VEZT: variants seen among roughly 807,000 people sequenced by gnomAD.
VEZT encodes the protein vezatin, adherens junctions transmembrane protein, also known as vezatin.
A neutral mutation model predicts 79.9 loss-of-function variants in VEZT; 39 were observed. The observed-to-expected ratio is 0.49, with a 90% confidence interval of 0.38 to 0.64. VEZT has a LOEUF of 0.64. Ranked by LOEUF, VEZT falls within the 30% of genes least tolerant of loss-of-function variation. The pLI is 0.00. For missense variants in VEZT, 837 were observed against 893.1 expected (o/e 0.94, Z 0.80); for synonymous variants, 325 against 327.6 (o/e 0.99, Z 0.09).
intron 1 of VEZT, among the ~76,000 whole-genome samples, chr12:95,234,707 T>TCATTTTTAA (rs2059772242): frequency 6.6e-6 from 1 of 152,124 alleles, no homozygotes; most frequent in Admixed American, 6.5e-5. Flanking sequence ...CATTCTTGGG[T>TCATTTTTAA]GTGATTTGGC....
intron 2 of VEZT, among the ~76,000 whole-genome samples, chr12:95,253,398 G>C (rs1211082744): frequency 6.6e-6 from 1 of 152,220 alleles, no homozygotes; most frequent in Non-Finnish European, 1.5e-5. Flanking sequence ...CTAACACCCA[G>C]AAGGTGAGAG....
chr12:95,287,629 A>G (rs1566286227), intron 8 of VEZT, 35 bp from the exon 9 acceptor site: 2 of 1,449,094 alleles, frequency 1.4e-6, no homozygotes, highest in Admixed American at 2.6e-5. Flanking sequence ...ATTTCATATT[A>G]TAGAAATCTG....
At position 95,287,876 on chromosome 12, in the gene VEZT, T is replaced by G; in HGVS notation, c.1522+19T>G. The G allele has an allele frequency of 1.3e-6, 2 of 1,567,174 alleles. No individual in the cohort carries two copies. The highest frequency in any genetic ancestry group is 1.7e-6 in the Non-Finnish European group (2 of 1,155,496). ...AAAAAAGGTACCTGTGAGAGATTTC[T>G]TTGCCATATGCTTATCAGACATGCT... On this transcript the variant is annotated intron_variant, in intron 9 of 11. Transcript: ENST00000436874.
intron 1 of VEZT, among the ~76,000 whole-genome samples, chr12:95,239,497 G>C (rs1197529299): frequency 6.6e-6 from 1 of 152,172 alleles, no homozygotes; most frequent in African/African-American, 2.4e-5. Flanking sequence ...TAGTGTGAGG[G>C]ATCAGAATCA....
At chr12:95,275,458 G>A (rs916724886) in intron 7 of VEZT, among the ~76,000 whole-genome samples, 1 of 151,994 alleles carries the variant, frequency 6.6e-6, no homozygotes, top group Admixed American at 6.5e-5. Context: ...AAATTAGCTG[G>A]GTGCAGTGTC....
intron 2 of VEZT, among the ~76,000 whole-genome samples, chr12:95,255,867 G>A (rs2063389482): frequency 6.6e-6 from 1 of 152,076 alleles, no homozygotes; most frequent in Admixed American, 6.6e-5. Flanking sequence ...CACCCTACAG[G>A]ATAATGTTCA....
intron 5 of VEZT, chr12:95,269,845 T>C (rs747248762): frequency 1.9e-5 from 8 of 426,786 alleles, no homozygotes; most frequent in Non-Finnish European, 2.8e-5. Context: ...TTAGTGGTTG[T>C]CTATATATAC....
Position 95,252,061 on chromosome 12 carries a change from T to A in VEZT, c.158T>A (p.Val53Asp). Residue 53 changes from valine (V) to aspartate (D), a missense_variant, in exon 2 of 12, where the codon GTC becomes GAC. Val to Asp is a radical substitution (Grantham distance 152). Transcript: ENST00000436874. ...TEGQQKPPTR[V>D]LPKQGILLKV... ...GGACAACAAAAGCCTCCTACAAGAG[T>A]CCTACCAAAAGTAAGAACGCATGCT... The A allele has an allele frequency of 1.2e-6, 2 of 1,604,564 alleles. No homozygotes were observed. Among genetic ancestry groups the A allele is most frequent in the Non-Finnish European group, 1.7e-6 (2 of 1,177,052 alleles).
chr12:95,239,380 G>A (rs1055863709), intron 1 of VEZT, among the ~76,000 whole-genome samples: 4 of 152,158 alleles, frequency 2.6e-5, no homozygotes, highest in Non-Finnish European at 5.9e-5. Flanking sequence ...ATAAATATTT[G>A]GCTAGTGATA....
chr12:95,268,461 G>T (rs1241759160), intron 5 of VEZT, among the ~76,000 whole-genome samples: 5 of 152,270 alleles, frequency 3.3e-5, no homozygotes, highest in African/African-American at 4.8e-5. Context: ...TCGCGCTACT[G>T]CACTCCAGCC....
chr12:95,300,374 G>T lies in VEZT; in HGVS notation c.2041G>T (p.Val681Phe). The T allele has an allele frequency of 6.2e-7, 1 of 1,613,798 alleles. No individual in the cohort carries two copies. ...AAATAAAGATAATTCTTCAAATGAA[G>T]TCTTCCCCCAAGGAGCAGAAGAAAG... ...GKNKDNSSNEVFPQGAEERMC... is the reference protein window; with the variant it reads ...GKNKDNSSNEFFPQGAEERMC... Residue 681 changes from valine (V) to phenylalanine (F), a missense_variant, in exon 12 of 12, where the codon GTC becomes TTC. Val to Phe is a conservative substitution (Grantham distance 50). Coordinates refer to ENST00000436874, the MANE Select transcript of VEZT (RefSeq NM_017599.4).
At chr12:95,282,694 A>G in intron 8 of VEZT, 50 bp downstream of exon 8, 8 of 1,475,674 alleles carry the variant, frequency 5.4e-6, no homozygotes, top group Non-Finnish European at 7.3e-6. Context: ...AGCAAGCTTC[A>G]TTCGTGTACC....
At chr12:95,243,018 A>G (rs1382080667) in intron 1 of VEZT, among the ~76,000 whole-genome samples, 3 of 152,008 alleles carry the variant, frequency 2.0e-5, no homozygotes, top group Non-Finnish European at 4.4e-5. Context: ...CTAGCATCTG[A>G]TTTTTAAAAG....
At chr12:95,266,279 T>C in intron 4 of VEZT, 78 bp from the exon 5 acceptor site, 3 of 1,442,988 alleles carry the variant, frequency 2.1e-6, no homozygotes, top group Non-Finnish European at 2.8e-6. Flanking sequence ...AATTTAAATT[T>C]TGTTTTTACT....
At chr12:95,290,869 T>C (rs1036592835) in intron 9 of VEZT, 3 of 152,134 alleles carry the variant, frequency 2.0e-5, no homozygotes, top group African/African-American at 7.2e-5. Context: ...TACATATATA[T>C]TGTGGTAAGC....
intron 1 of VEZT, among the ~76,000 whole-genome samples, chr12:95,225,434 G>A (rs2058282258): frequency 6.6e-6 from 1 of 152,106 alleles, no homozygotes; most frequent in Admixed American, 6.6e-5. Context: ...GCGGGCGCCT[G>A]TAGTCCCAGC....
intron 2 of VEZT, chr12:95,252,544 A>G (rs2062771873): frequency 6.6e-6 from 1 of 152,366 alleles, no homozygotes; most frequent in Non-Finnish European, 1.5e-5. Context: ...ATACTTTTAT[A>G]CATTAAATAT....
intron 1 of VEZT, among the ~76,000 whole-genome samples, chr12:95,232,284 AT>A (rs1208822227): frequency 1.3e-5 from 2 of 152,224 alleles, no homozygotes; most frequent in Non-Finnish European, 2.9e-5. Context: ...TGAATTAAAG[AT>A]CTTTTAGAGG....
In VEZT at chr12:95,217,887, G is replaced by A; in HGVS notation, c.36+1G>A. ...GTTTGACGAAGAGGTGGTTTTTGAGGTAAGAGGAAAATGGCGGTGGGTGTG... is the reference window on the plus strand; with the variant it reads ...GTTTGACGAAGAGGTGGTTTTTGAGATAAGAGGAAAATGGCGGTGGGTGTG... On this transcript the variant is annotated splice_donor_variant, in intron 1 of 11. Coordinates refer to ENST00000436874, the MANE Select transcript of VEZT (RefSeq NM_017599.4). LOFTEE classifies it high-confidence loss of function. 1.3e-6 allele frequency: 2 copies of A among 1,519,148 alleles called. No homozygotes were observed. Among genetic ancestry groups the A allele is most frequent in the South Asian group, 1.3e-5 (1 of 79,560 alleles). 94.1% of individuals were successfully genotyped at this position (1,519,148 alleles called of 1,614,324 possible).
Sources: allele counts gnomAD v4.1 joint callset (sites outside exome capture counted in the v4.1 genomes callset), GRCh38; gene constraint gnomAD v4.1.1; transcripts MANE v1.5; gene names NCBI Gene and HGNC (gene_info 2026-07-23, HGNC 2026-07-21).